The following SDK1 variants were observed in gnomAD, a reference collection of about 807,000 sequenced individuals.
The protein encoded by SDK1 is sidekick cell adhesion molecule 1, also known as protein sidekick-1.
A neutral mutation model predicts 245.5 loss-of-function variants in SDK1; 157 were observed. The observed-to-expected ratio is 0.64, with a 90% CI of 0.56 to 0.73. SDK1 has a LOEUF of 0.73. Ranked by LOEUF, SDK1 falls within the 30% of genes least tolerant of loss-of-function variation. The pLI, the probability that SDK1 is intolerant of heterozygous loss-of-function variation, is 0.00. For synonymous variants in SDK1, 1,647 were observed against 1,278.5 expected (o/e 1.29, Z -6.15); for missense variants, 3,583 against 3,002.3 (o/e 1.19, Z -4.52).
intron 22 of SDK1, among the ~76,000 whole-genome samples, chr7:4,093,103 A>C (rs1374710885): frequency 6.6e-6 from 1 of 151,904 alleles, no homozygotes; most frequent in African/African-American, 2.4e-5. Flanking sequence ...TGATGCTCAG[A>C]TGTGGGTTGC....
chr7:4,132,632 G>T, intron 28 of SDK1: 2 of 477,324 alleles, frequency 4.2e-6, no homozygotes, highest in Non-Finnish European at 7.8e-6. Context: ...GGAGGCTAAG[G>T]TGGGAGGATC....
At chr7:4,124,152 A>C (rs73048311) in intron 25 of SDK1, among the ~76,000 whole-genome samples, 5,144 of 152,322 alleles carry the variant, frequency 0.034, 114 homozygotes, top group Admixed American at 0.044. Context: ...GAAGCTTCCC[A>C]CACAGCATGA....
chr7:4,205,882 C>G lies in SDK1; in HGVS notation c.5102C>G (p.Pro1701Arg). Residue 1701 changes from proline to arginine, a missense_variant, in exon 36 of 45, where the codon CCG becomes CGG. Coordinates refer to ENST00000404826, the MANE Select transcript of SDK1 (RefSeq NM_152744.4). ...CTCCGCATTGCTCTTTCCTCAGCCCCGGCCATGGCCCCGCAGAACGTGCAG... is the reference window on the plus strand; with the variant it reads ...CTCCGCATTGCTCTTTCCTCAGCCCGGGCCATGGCCCCGCAGAACGTGCAG... ...PVEVFVGEAA[P>R]AMAPQNVQVT... 6.4e-7 allele frequency: 1 copy of G among 1,552,874 alleles called. No individual in the cohort carries two copies. The highest frequency in any genetic ancestry group is 1.2e-5 in the South Asian group (1 of 84,174).
At chr7:3,632,732 A>C (rs1029871369) in intron 2 of SDK1, among the ~76,000 whole-genome samples, 2 of 152,254 alleles carry the variant, frequency 1.3e-5, no homozygotes, top group Non-Finnish European at 2.9e-5. Flanking sequence ...TGAAAGAACT[A>C]AAAACATAAC....
intron 4 of SDK1, among the ~76,000 whole-genome samples, chr7:3,645,822 A>T (rs6973695): frequency 6.6e-6 from 1 of 151,988 alleles, no homozygotes; most frequent in African/African-American, 2.4e-5. Context: ...TGCTTCCCAC[A>T]TATTGAAATG....
chr7:3,384,568 C>T (rs987188263), intron 1 of SDK1, among the ~76,000 whole-genome samples: 2 of 150,216 alleles, frequency 1.3e-5, no homozygotes, highest in South Asian at 2.2e-4. Flanking sequence ...CAGACATTTC[C>T]ACTCTTGTTT....
At position 3,673,677 on chromosome 7, in the gene SDK1, G is replaced by A. The variant is rs560007452; in HGVS notation, c.713+31572G>A. 3.9e-5 allele frequency among the ~76,000 whole-genome samples: 6 copies of A among 152,248 alleles called. No individual in the cohort carries two copies. The South Asian group carries it at 1.2e-3, about 32-fold the overall frequency. ...AGGTAGTTTCGTCTTGCTCTGCAAAGACAAAAGCTCAGTCATTGACCTGGA... is the reference window on the plus strand; with the variant it reads ...AGGTAGTTTCGTCTTGCTCTGCAAAAACAAAAGCTCAGTCATTGACCTGGA... On this transcript the variant is annotated intron_variant, in intron 4 of 44. Coordinates refer to ENST00000404826, the MANE Select transcript of SDK1 (RefSeq NM_152744.4).
At chr7:3,368,690 G>T (rs1382790907) in intron 1 of SDK1, among the ~76,000 whole-genome samples, 1 of 152,188 alleles carries the variant, frequency 6.6e-6, no homozygotes. Flanking sequence ...ACTTCTAGAA[G>T]TGAGAAGCAT....
Position 4,069,697 on chromosome 7 carries a change from C to T in SDK1, c.3010+1761C>T, listed in dbSNP as rs114652205. ...GTGATCTCTCCCTCCTGCCAGGCTGCAGGGTTGGGGGCCGTTTCTTCTCCG... is the reference window on the plus strand; with the variant it reads ...GTGATCTCTCCCTCCTGCCAGGCTGTAGGGTTGGGGGCCGTTTCTTCTCCG... On this transcript the variant is annotated intron_variant, in intron 20 of 44. Transcript: ENST00000404826. 3.9e-3 allele frequency among the ~76,000 whole-genome samples: 592 copies of T among 152,354 alleles called. 2 individuals carry two copies. The highest frequency in any genetic ancestry group is 8.4e-3 in the African/African-American group (348 of 41,580).
intron 4 of SDK1, among the ~76,000 whole-genome samples, chr7:3,650,281 C>T (rs778264084): frequency 2.0e-5 from 3 of 152,140 alleles, no homozygotes; most frequent in African/African-American, 7.2e-5. Flanking sequence ...CAGTGTTGTG[C>T]AATCATCACC....
intron 1 of SDK1, among the ~76,000 whole-genome samples, chr7:3,536,233 TG>T (rs373560326): frequency 0.24 from 36,441 of 148,950 alleles, 4,688 homozygotes; most frequent in East Asian, 0.33. Flanking sequence ...ATTTTTTTTT[TG>T]TGTGTGTGTT....
chr7:3,887,655 C>G (rs1329609459), intron 5 of SDK1, among the ~76,000 whole-genome samples: 1 of 152,154 alleles, frequency 6.6e-6, no homozygotes, highest in African/African-American at 2.4e-5. Flanking sequence ...TTTCCCCTGG[C>G]CTGATGATTC....
intron 4 of SDK1, among the ~76,000 whole-genome samples, chr7:3,757,483 C>A (rs1013921988): frequency 1.3e-5 from 2 of 152,156 alleles, no homozygotes; most frequent in Non-Finnish European, 2.9e-5. Context: ...GCAGTCCTCC[C>A]ACTTTGGCCT....
chr7:3,823,105 G>A (rs780595158), intron 5 of SDK1, among the ~76,000 whole-genome samples: 6 of 152,160 alleles, frequency 3.9e-5, no homozygotes, highest in African/African-American at 7.2e-5. Context: ...ATTAGGGGTG[G>A]GGTTCACAAA....
chr7:3,833,529 A>G (rs1356614522), intron 5 of SDK1, among the ~76,000 whole-genome samples: 2 of 152,012 alleles, frequency 1.3e-5, no homozygotes, highest in African/African-American at 2.4e-5. Flanking sequence ...TGGAATTTAT[A>G]TCAGATTTAT....
At chr7:3,759,216 GA>G (rs1311894424) in intron 4 of SDK1, among the ~76,000 whole-genome samples, 3 of 152,148 alleles carry the variant, frequency 2.0e-5, no homozygotes, top group African/African-American at 7.2e-5. Flanking sequence ...AATTCTGAAA[GA>G]AATGCTGTAA....
intron 22 of SDK1, among the ~76,000 whole-genome samples, chr7:4,101,437 G>A (rs1043340616): frequency 8.5e-5 from 13 of 152,268 alleles, no homozygotes; most frequent in Admixed American, 2.0e-4. Flanking sequence ...GTGAGCCACC[G>A]CACCCGGCGG....
chr7:3,415,035 T>A (rs1386402291), intron 1 of SDK1, among the ~76,000 whole-genome samples: 1 of 152,232 alleles, frequency 6.6e-6, no homozygotes, highest in African/African-American at 2.4e-5. Context: ...TATGAACATT[T>A]GTGTAGCAGT....
chr7:3,368,548 C>T (rs1259055327), intron 1 of SDK1, among the ~76,000 whole-genome samples: 1 of 152,082 alleles, frequency 6.6e-6, no homozygotes, highest in Admixed American at 6.5e-5. Context: ...GGGTTTGGAT[C>T]ACGGGATGGT....
Sources: gnomAD v4.1 joint callset for allele counts (sites outside exome capture counted in the v4.1 genomes callset) on GRCh38, gnomAD v4.1.1 for gene constraint, MANE v1.5 for transcripts, NCBI Gene and HGNC (gene_info 2026-07-23, HGNC 2026-07-21) for gene names.